SHOC2: variants seen among roughly 807,000 people sequenced by gnomAD.
The protein encoded by SHOC2 is leucine-rich repeat protein SHOC-2.
In SHOC2, 4 loss-of-function variants were observed where a neutral mutation model predicts 50.2. The observed-to-expected ratio is 0.08, with a 90% CI of 0.04 to 0.18. The LOEUF (loss-of-function observed/expected upper bound fraction) is 0.18, where lower values mean the gene tolerates loss of function less well. Among genes scored for constraint, SHOC2 ranks in the 10% least tolerant of loss-of-function variants. The probability of loss-of-function intolerance (pLI) is 1.00; values close to 1 mark genes in which losing one functional copy is unlikely to be tolerated. For synonymous variants in SHOC2, 218 were observed against 244.5 expected, an observed-to-expected ratio of 0.89 and a Z score of 1.01; for missense variants, 388 against 669.6, an observed-to-expected ratio of 0.58 and a Z score of 4.64.
chr10:111,002,557 C>T (rs1231953565), intron 4 of SHOC2, among the ~76,000 whole-genome samples: 1 of 152,156 alleles, frequency 6.6e-6, no homozygotes, highest in African/African-American at 2.4e-5. Flanking sequence ...CATGTATTGT[C>T]TCATTTAATC....
At chr10:111,003,973 G>A (rs1433129974) in intron 4 of SHOC2, among the ~76,000 whole-genome samples, 1 of 152,152 alleles carries the variant, frequency 6.6e-6, no homozygotes. Flanking sequence ...ATGGTGAGAG[G>A]CTAAAGTAGG....
intron 2 of SHOC2, among the ~76,000 whole-genome samples, chr10:110,977,496 C>A (rs1349726904): frequency 6.6e-6 from 1 of 152,190 alleles, no homozygotes; most frequent in Non-Finnish European, 1.5e-5. Context: ...CCGCCCGCCT[C>A]AGCCTCCCAA....
At chr10:110,922,402 A>G (rs1369853541) in intron 1 of SHOC2, among the ~76,000 whole-genome samples, 1 of 152,060 alleles carries the variant, frequency 6.6e-6, no homozygotes, top group African/African-American at 2.4e-5. Context: ...AAATATGCTC[A>G]TTTTCAATAT....
rs961883566 is a variant in SHOC2, at chr10:111,006,652, G to A, written c.1162-879G>A. ...CCCAAAGTGCTGGGATTACAGGCGT[G>A]AGCCACCACGCCCGGCCGCAAATTT... On this transcript the variant is annotated intron_variant, in intron 5 of 8. Transcript: ENST00000369452. Among the ~76,000 whole-genome samples the A allele has an allele frequency of 8.5e-5, 13 of 152,120 alleles. 1 individual carries two copies. The highest frequency in any genetic ancestry group is 5.9e-5 in the Non-Finnish European group (4 of 68,036).
Position 110,985,617 on chromosome 10 carries a change from T to C in SHOC2, c.704-11T>C. 1 of 1,601,238 alleles carries C rather than the reference T, an allele frequency of 6.2e-7. No individual in the cohort carries two copies. The highest frequency in any genetic ancestry group is 1.7e-5 in the Admixed American group (1 of 59,774). Reference sequence around the variant, plus strand: ...AATGCTTATTGAATTTTTATGTTGGTCAATTTACAGGTGAATTATGTAACC... The same window carrying C: ...AATGCTTATTGAATTTTTATGTTGGCCAATTTACAGGTGAATTATGTAACC... On this transcript the variant is annotated splice_polypyrimidine_tract_variant and intron_variant, in intron 2 of 8. Coordinates refer to ENST00000369452, the MANE Select transcript of SHOC2 (RefSeq NM_007373.4).
rs1220830387 is a variant in SHOC2, at chr10:111,004,666, T to C, written c.1033T>C (p.Leu345=). The part of the protein sequence containing the change: ...SLTLARNCFQ[L]YPVGGPSQFS... Reference sequence around the variant, plus strand: ...GACCTTAGCTAGAAATTGCTTCCAGTTGTATCCAGTGGGTGGTCCATCTCA... The same window carrying C: ...GACCTTAGCTAGAAATTGCTTCCAGCTGTATCCAGTGGGTGGTCCATCTCA... Residue 345 remains leucine, a synonymous_variant, in exon 5 of 9, where the codon TTG becomes CTG. Transcript: ENST00000369452. The C allele has an allele frequency of 6.2e-7, 1 of 1,613,252 alleles. No homozygotes were observed. Among genetic ancestry groups the C allele is most frequent in the African/African-American group, 1.3e-5 (1 of 74,916 alleles).
rs1188545694 is a variant in SHOC2, at chr10:111,009,770, A to G, written c.1480A>G (p.Thr494Ala). 1 of 1,613,498 alleles carries G rather than the reference A, an allele frequency of 6.2e-7. No individual in the cohort carries two copies. The highest frequency in any genetic ancestry group is 8.5e-7 in the Non-Finnish European group (1 of 1,179,526). The change falls in exon 8 of 9, where the codon ACT becomes GCT. Residue 494 changes from threonine to alanine, a missense_variant. Around this residue, in one of 5 missense-constraint regions of SHOC2, gnomAD observed 130 missense variants for 208.6 expected, o/e 0.62. Transcript: ENST00000369452. Reference protein sequence around the residue: ...TTLPRGIGHLTNLTHLGLGEN... With the variant: ...TTLPRGIGHLANLTHLGLGEN... ...TCTTCCCAGAGGCATTGGTCACCTTACTAATCTCACACATCTGGGCCTTGG... is the reference window on the plus strand; with the variant it reads ...TCTTCCCAGAGGCATTGGTCACCTTGCTAATCTCACACATCTGGGCCTTGG...
chr10:110,919,568 C>A, upstream of SHOC2: 4 of 156,386 alleles, frequency 2.6e-5, no homozygotes, highest in Non-Finnish European at 4.2e-5. Context: ...GGGCGGGGGG[C>A]GGCGGTTGGG....
intron 2 of SHOC2, among the ~76,000 whole-genome samples, chr10:110,982,659 G>A (rs1848004992): frequency 6.6e-6 from 1 of 151,870 alleles, no homozygotes; most frequent in Non-Finnish European, 1.5e-5. Flanking sequence ...GTCTTCTTTT[G>A]AGAAGTGTCT....
At position 110,964,478 on chromosome 10, in the gene SHOC2, A is replaced by G. The variant is rs1450310243; in HGVS notation, c.120A>G (p.Glu40=). The change falls in exon 2 of 9, where the codon GAA becomes GAG. Residue 40 remains glutamate (E), a synonymous_variant. Coordinates refer to ENST00000369452, the MANE Select transcript of SHOC2 (RefSeq NM_007373.4). The surrounding 1 kb of genome is among the most constrained non-coding windows in gnomAD (Gnocchi z 4.9). ...ASGGFGKESK[E]KEPKTKGKDA... ...GAGGTTTTGGGAAAGAGAGCAAAGA[A>G]AAAGAACCTAAGACCAAAGGGAAAG... is the stretch of plus-strand genomic sequence containing the variant. 4.3e-6 allele frequency: 7 copies of G among 1,614,070 alleles called. No homozygotes were observed. Among genetic ancestry groups the G allele is most frequent in the African/African-American group, 1.3e-5 (1 of 75,026 alleles).
At chr10:110,919,590 C>T (rs1352996966), upstream of SHOC2, 22 of 394,306 alleles carry the variant, frequency 5.6e-5, no homozygotes, top group Non-Finnish European at 9.4e-5. Flanking sequence ...AGCGTCGCTT[C>T]TTAGGAGGAG....
Position 110,964,701 on chromosome 10 carries a change from T to C in SHOC2, c.343T>C (p.Leu115=). The stretch of plus-strand genomic sequence containing the variant: ...CTTATCCAAGAGATCTATACACATA[T>C]TGCCATCATCAATCAAAGAGTTGAC... ...LDLSKRSIHI[L]PSSIKELTQL... is the part of the protein sequence containing the mutation. The change falls in exon 2 of 9, where the codon TTG becomes CTG. Residue 115 remains leucine (L), a synonymous_variant. Coordinates refer to ENST00000369452, the MANE Select transcript of SHOC2 (RefSeq NM_007373.4). This position sits in a 1 kb window ranked among gnomAD's most constrained non-coding sequence, Gnocchi z 4.9. 1.9e-6 allele frequency: 3 copies of C among 1,614,114 alleles called. No homozygotes were observed. The highest frequency in any genetic ancestry group is 2.5e-6 in the Non-Finnish European group (3 of 1,179,994).
chr10:110,925,656 C>T (rs7899762), intron 1 of SHOC2, among the ~76,000 whole-genome samples: 99,486 of 152,036 alleles, frequency 0.65, 33,479 homozygotes, highest in Non-Finnish European at 0.74. Flanking sequence ...TAGCTTTTGC[C>T]GTGTTGCCCA....
chr10:110,948,555 G>A (rs1038680494), intron 1 of SHOC2, among the ~76,000 whole-genome samples: 3 of 152,166 alleles, frequency 2.0e-5, no homozygotes, highest in African/African-American at 7.2e-5. Flanking sequence ...ATAAGAGTAT[G>A]AAACTAGAAA....
intron 2 of SHOC2, among the ~76,000 whole-genome samples, chr10:110,981,384 C>T (rs985871019): frequency 4.5e-4 from 68 of 152,176 alleles, no homozygotes; most frequent in Non-Finnish European, 2.4e-4. Flanking sequence ...ACCAAGCTCC[C>T]AGCTGTGGCT....
chr10:110,996,942 G>A (rs1442048455), intron 3 of SHOC2, among the ~76,000 whole-genome samples: 1 of 152,124 alleles, frequency 6.6e-6, no homozygotes. Flanking sequence ...TCGAGAGGTG[G>A]GTAGAGCTTT....
chr10:110,954,475 T>G (rs1386051137), intron 1 of SHOC2, among the ~76,000 whole-genome samples: 1 of 152,150 alleles, frequency 6.6e-6, no homozygotes, highest in African/African-American at 2.4e-5. Context: ...ACTTTGAAAT[T>G]AAAAGTGCCT....
chr10:110,997,539 C>CT (rs968510766), intron 3 of SHOC2, among the ~76,000 whole-genome samples: 14 of 152,016 alleles, frequency 9.2e-5, no homozygotes. Flanking sequence ...TTTTTCCCCC[C>CT]CAACTTAACA....
At chr10:110,995,309 A>G (rs545162272) in intron 3 of SHOC2, among the ~76,000 whole-genome samples, 3 of 152,342 alleles carry the variant, frequency 2.0e-5, no homozygotes, top group East Asian at 1.9e-4. Context: ...TTAATTGCCA[A>G]CTTACGGTGA....
Sources: gnomAD v4.1 joint callset for allele counts (sites outside exome capture counted in the v4.1 genomes callset) on GRCh38, gnomAD v4.1.1 for gene constraint, gnomAD v4.1.1 regional missense constraint, Gnocchi (gnomAD v3.1) non-coding constraint, MANE v1.5 for transcripts, NCBI Gene and HGNC (gene_info 2026-07-23, HGNC 2026-07-21) for gene names.